Variants in ANKIB1 observed in about 807,000 individuals in gnomAD.
The protein encoded by ANKIB1 is ankyrin repeat and IBR domain containing 1.
Under a neutral mutation model 122.1 loss-of-function variants are expected in ANKIB1, and 43 were observed. The ratio of observed to expected loss-of-function variants is 0.35; its 90% CI spans 0.28 to 0.45. The LOEUF (loss-of-function observed/expected upper bound fraction) is 0.45, where lower values mean the gene tolerates loss of function less well. ANKIB1 is among the 20% of genes least tolerant of loss of function. The probability of loss-of-function intolerance (pLI) is 1.00; values close to 1 mark genes in which losing one functional copy is unlikely to be tolerated. For synonymous variants in ANKIB1, 390 were observed against 442.0 expected (o/e 0.88, Z 1.48); for missense variants, 992 against 1,329.5 (o/e 0.75, Z 3.95).
intron 1 of ANKIB1, among the ~76,000 whole-genome samples, chr7:92,256,905 G>T (rs1181102639): frequency 2.0e-5 from 3 of 152,140 alleles, no homozygotes; most frequent in East Asian, 1.9e-4. Flanking sequence ...GTCACAAGGG[G>T]CTGGCCAGGC....
intron 11 of ANKIB1, among the ~76,000 whole-genome samples, chr7:92,382,570 T>G (rs1016316208): frequency 6.6e-6 from 1 of 152,162 alleles, no homozygotes; most frequent in African/African-American, 2.4e-5. Context: ...AAATTAGAAC[T>G]CAGGATTAAG....
At chr7:92,250,977 G>A (rs1585071043) in intron 1 of ANKIB1, among the ~76,000 whole-genome samples, 2 of 152,296 alleles carry the variant, frequency 1.3e-5, no homozygotes, top group East Asian at 3.9e-4. Context: ...TTTTAGGACT[G>A]TAGAGCAGAT....
At chr7:92,368,773 C>G (rs1804162790) in intron 10 of ANKIB1, among the ~76,000 whole-genome samples, 1 of 151,814 alleles carries the variant, frequency 6.6e-6, no homozygotes, top group South Asian at 2.1e-4. Context: ...TAAGCATGTT[C>G]AGAGAATAGG....
intron 2 of ANKIB1, among the ~76,000 whole-genome samples, chr7:92,297,239 T>C (rs1414940563): frequency 6.6e-6 from 1 of 152,230 alleles, no homozygotes; most frequent in Admixed American, 6.5e-5. Context: ...TAGACGACTG[T>C]AAGCTTTGGG....
chr7:92,303,002 G>A (rs1802486394), intron 2 of ANKIB1, among the ~76,000 whole-genome samples: 1 of 151,706 alleles, frequency 6.6e-6, no homozygotes, highest in East Asian at 1.9e-4. Flanking sequence ...AATAAAAAGA[G>A]TTATTGCAAG....
intron 1 of ANKIB1, among the ~76,000 whole-genome samples, chr7:92,270,738 T>G (rs1008954477): frequency 6.8e-6 from 1 of 147,164 alleles, no homozygotes; most frequent in African/African-American, 2.5e-5. Context: ...GTTTTTTTTT[T>G]TTTTTTTTTT....
At chr7:92,293,115 G>A (rs1304819465) in intron 1 of ANKIB1, among the ~76,000 whole-genome samples, 2 of 152,106 alleles carry the variant, frequency 1.3e-5, no homozygotes, top group East Asian at 3.8e-4. Context: ...CTGATACTTA[G>A]CTGCAGGGCA....
chr7:92,365,788 C>CTTTTTT lies in ANKIB1; in HGVS notation c.1486+3538_1486+3543dup, dbSNP rs59131137. Among the ~76,000 whole-genome samples the CTTTTTT allele has an allele frequency of 3.1e-4, 18 of 58,324 alleles. 4 individuals carry two copies. Among genetic ancestry groups the CTTTTTT allele is most frequent in the Admixed American group, 5.6e-4 (2 of 3,554 alleles). 38.3% of individuals were successfully genotyped at this position (58,324 alleles called of 152,430 possible). On this transcript the variant is annotated intron_variant, in intron 10 of 19. Coordinates refer to ENST00000265742, the MANE Select transcript of ANKIB1 (RefSeq NM_019004.2). ...AGAGTTATAAGATATATTAAATAAT[C>CTTTTTT]TTTTTTTTTTTTTTTTTTTTTTTTT... is the stretch of plus-strand genomic sequence containing the variant.
At chr7:92,365,788 CTTTTTTTTTTT>C (rs59131137) in intron 10 of ANKIB1, among the ~76,000 whole-genome samples, 2 of 58,298 alleles carry the variant, frequency 3.4e-5, no homozygotes, top group African/African-American at 7.0e-5. Flanking sequence ...ATTAAATAAT[CTTTTTTTTTTT>C]TTTTTTTTTT....
chr7:92,250,098 A>G (rs1408233919), intron 1 of ANKIB1, among the ~76,000 whole-genome samples: 2 of 152,168 alleles, frequency 1.3e-5, no homozygotes, highest in African/African-American at 4.8e-5. Context: ...CTTGTGTTCT[A>G]AAGCAGATAA....
chr7:92,346,464 T>C (rs1048873937), intron 7 of ANKIB1, among the ~76,000 whole-genome samples: 3 of 152,148 alleles, frequency 2.0e-5, no homozygotes, highest in African/African-American at 4.8e-5. Flanking sequence ...AGATTTCATT[T>C]GGAGGGGGAA....
chr7:92,331,878 A>G (rs538566815), intron 5 of ANKIB1, among the ~76,000 whole-genome samples: 6 of 152,144 alleles, frequency 3.9e-5, no homozygotes, highest in African/African-American at 1.4e-4. Context: ...CAAATCATAT[A>G]GTGTTCATAA....
chr7:92,287,201 C>T (rs772036386), intron 1 of ANKIB1, among the ~76,000 whole-genome samples: 1 of 152,206 alleles, frequency 6.6e-6, no homozygotes, highest in Non-Finnish European at 1.5e-5. Flanking sequence ...GTACTACTAA[C>T]TAAACTATTT....
intron 10 of ANKIB1, among the ~76,000 whole-genome samples, chr7:92,365,865 C>T (rs1351745253): frequency 1.7e-5 from 2 of 119,564 alleles, no homozygotes; most frequent in African/African-American, 3.3e-5. Flanking sequence ...GGTGCGATCT[C>T]GGCTCACTGC....
chr7:92,267,484 A>G (rs1801696520), intron 1 of ANKIB1, among the ~76,000 whole-genome samples: 1 of 152,176 alleles, frequency 6.6e-6, no homozygotes, highest in Non-Finnish European at 1.5e-5. Context: ...AGTATATGCT[A>G]GTCTGTGTCT....
At chr7:92,359,948 A>C (rs919374289) in intron 9 of ANKIB1, among the ~76,000 whole-genome samples, 3 of 152,130 alleles carry the variant, frequency 2.0e-5, no homozygotes, top group South Asian at 2.1e-4. Flanking sequence ...AATGTCTGTT[A>C]AGCTACCACT....
intron 1 of ANKIB1, among the ~76,000 whole-genome samples, chr7:92,282,418 A>C (rs761303211): frequency 1.6e-4 from 24 of 152,146 alleles, no homozygotes; most frequent in Non-Finnish European, 3.1e-4. Flanking sequence ...TGCTGAGATA[A>C]CAGGCATGAG....
chr7:92,253,222 T>TA (rs940486050), intron 1 of ANKIB1, among the ~76,000 whole-genome samples: 1 of 152,242 alleles, frequency 6.6e-6, no homozygotes, highest in Non-Finnish European at 1.5e-5. Context: ...CTGGCAGCAA[T>TA]AAACTAGGCT....
At chr7:92,380,662 G>T (rs867227965) in intron 11 of ANKIB1, among the ~76,000 whole-genome samples, 1 of 152,130 alleles carries the variant, frequency 6.6e-6, no homozygotes, top group African/African-American at 2.4e-5. Flanking sequence ...CTGCAGCTGA[G>T]GGTCCTGTTA....
Sources: allele counts gnomAD v4.1 joint callset (sites outside exome capture counted in the v4.1 genomes callset), GRCh38; gene constraint gnomAD v4.1.1; transcripts MANE v1.5; gene names NCBI Gene and HGNC (gene_info 2026-07-23, HGNC 2026-07-21).